The following SPATA18 variants were observed in gnomAD, a reference collection of about 807,000 sequenced individuals.
The protein encoded by SPATA18 is spermatogenesis associated 18, also known as mitochondria-eating protein.
In SPATA18, 54 loss-of-function variants were observed where a neutral mutation model predicts 68.1. The observed-to-expected ratio is 0.79, with a 90% CI of 0.64 to 0.99. The LOEUF is 0.99. SPATA18 is among the 50% of genes least tolerant of loss of function. SPATA18 has a pLI of 0.00. For missense variants in SPATA18, 724 were observed against 681.1 expected, an observed-to-expected ratio of 1.06 and a Z score of -0.70; for synonymous variants, 242 against 244.8, an observed-to-expected ratio of 0.99 and a Z score of 0.11.
chr4:52,064,643 T>C (rs1739166513), intron 4 of SPATA18, among the ~76,000 whole-genome samples: 1 of 152,226 alleles, frequency 6.6e-6, no homozygotes, highest in African/African-American at 2.4e-5. Flanking sequence ...TTCCATGGTG[T>C]ATATATACCA....
intron 1 of SPATA18, among the ~76,000 whole-genome samples, chr4:52,055,510 G>T (rs1206984293): frequency 1.3e-5 from 2 of 152,094 alleles, no homozygotes; most frequent in African/African-American, 4.8e-5. Context: ...AAAAACTCAA[G>T]TTTCATTAAT....
Position 52,051,614 on chromosome 4 carries a change from C to T in SPATA18, c.-91C>T, listed in dbSNP as rs1737874989. 2.5e-6 allele frequency: 3 copies of T among 1,215,658 alleles called. No homozygotes were observed. The highest frequency in any genetic ancestry group is 2.4e-6 in the Non-Finnish European group (2 of 820,360). The allele number at this position is 1,215,658 out of a possible 1,614,324, so 75.3% of individuals were successfully genotyped here. A position where few individuals can be genotyped will look rare whatever the true frequency, so the allele number is the denominator to read the frequency against. On this transcript the variant is annotated 5_prime_UTR_variant, in exon 1 of 13. Coordinates refer to ENST00000295213, the MANE Select transcript of SPATA18 (RefSeq NM_145263.4). ...AGCCCCCCAGAAGAGAACACCCTTC[C>T]CGCCATATCACCCCACGGTCCTGCG...
rs190610492 is a variant in SPATA18 at position 52,064,897 on chromosome 4, A to G, written c.422+2565A>G. On this transcript the variant is annotated intron_variant, in intron 4 of 12. Coordinates refer to ENST00000295213, the MANE Select transcript of SPATA18 (RefSeq NM_145263.4). ...TAGTTTACATTCCTACCAGCTGCAT[A>G]AAAGTGTTCCCTTTTCTCCACATTT... Among the ~76,000 whole-genome samples the G allele has an allele frequency of 6.6e-5, 10 of 152,340 alleles. No homozygotes were observed. In the East Asian group the frequency reaches 1.9e-3, roughly 29 times the overall value.
chr4:52,087,063 T>G (rs1310247966), intron 11 of SPATA18, among the ~76,000 whole-genome samples: 1 of 152,246 alleles, frequency 6.6e-6, no homozygotes, highest in Non-Finnish European at 1.5e-5. Context: ...CATAAATGTC[T>G]TCTTTGGAAA....
chr4:52,053,125 T>C (rs2109396678), intron 1 of SPATA18, among the ~76,000 whole-genome samples: 1 of 152,326 alleles, frequency 6.6e-6, no homozygotes, highest in East Asian at 1.9e-4. Flanking sequence ...GTGGCCTAAC[T>C]AAACTCTGAA....
intron 1 of SPATA18, among the ~76,000 whole-genome samples, chr4:52,052,096 G>A (rs535765029): frequency 1.5e-4 from 23 of 152,002 alleles, no homozygotes; most frequent in African/African-American, 5.1e-4. Flanking sequence ...CTAGCAATAG[G>A]GAAGCCCTGC....
Position 52,084,989 on chromosome 4 carries a change from G to T in SPATA18, c.1553G>T (p.Gly518Val). 6.2e-7 allele frequency: 1 copy of T among 1,612,390 alleles called. No individual in the cohort carries two copies. The highest frequency in any genetic ancestry group is 8.5e-7 in the Non-Finnish European group (1 of 1,179,404). The change falls in exon 11 of 13, where the codon GGT (glycine) becomes GTT (valine). Residue 518 changes from glycine to valine, a missense_variant. Transcript: ENST00000295213. ...LSPICPRSQIGLNTMSRSRSP... is the reference protein window; with the variant it reads ...LSPICPRSQIVLNTMSRSRSP... Reference sequence around the variant, plus strand: ...CCCATTTGCCCCCGTAGCCAAATTGGTTTAAACACGGTACATATCTATCTA... The same window carrying T: ...CCCATTTGCCCCCGTAGCCAAATTGTTTTAAACACGGTACATATCTATCTA...
At chr4:52,076,497 T>C (rs1206413174) in intron 6 of SPATA18, among the ~76,000 whole-genome samples, 1 of 152,168 alleles carries the variant, frequency 6.6e-6, no homozygotes, top group South Asian at 2.1e-4. Flanking sequence ...AAAAGAAAAT[T>C]ACATGCTTCT....
At chr4:52,065,187 A>G (rs1356470484) in intron 4 of SPATA18, among the ~76,000 whole-genome samples, 1 of 151,584 alleles carries the variant, frequency 6.6e-6, no homozygotes, top group Non-Finnish European at 1.5e-5. Context: ...TCAAATGCAT[A>G]GTTTGTGAAT....
chr4:52,080,072 A>G (rs1740790386), intron 9 of SPATA18, among the ~76,000 whole-genome samples, 153 bp downstream of exon 9: 1 of 152,238 alleles, frequency 6.6e-6, no homozygotes, highest in Non-Finnish European at 1.5e-5. Context: ...TCTGTACTCC[A>G]GGGCAGGACC....
intron 1 of SPATA18, among the ~76,000 whole-genome samples, chr4:52,052,815 C>G (rs1343101585): frequency 6.6e-6 from 1 of 152,242 alleles, no homozygotes; most frequent in East Asian, 1.9e-4. Flanking sequence ...GGTCCTTAGG[C>G]TTCCCCATTC....
intron 4 of SPATA18, among the ~76,000 whole-genome samples, chr4:52,067,148 C>G (rs918445688): frequency 6.6e-6 from 1 of 152,144 alleles, no homozygotes; most frequent in African/African-American, 2.4e-5. Context: ...TTCTTTGCAG[C>G]CTCGCCAGCA....
At chr4:52,082,548 G>A (rs1010755092) in intron 10 of SPATA18, 38 bp downstream of exon 10, 15 of 1,613,556 alleles carry the variant, frequency 9.3e-6, no homozygotes, top group Admixed American at 3.3e-5. Context: ...CATCCCAAGT[G>A]TTTGATTCAC....
chr4:52,057,315 T>C (rs2109408211), intron 1 of SPATA18, among the ~76,000 whole-genome samples: 1 of 152,284 alleles, frequency 6.6e-6, no homozygotes, highest in South Asian at 2.1e-4. Context: ...GTCCATATCT[T>C]TGCTCTGGTT....
intron 8 of SPATA18, 31 bp downstream of exon 8, chr4:52,078,924 T>TTGC (rs1401505870): frequency 2.6e-6 from 4 of 1,529,628 alleles, no homozygotes; most frequent in Non-Finnish European, 3.6e-6. Flanking sequence ...TAGGACTGGT[T>TTGC]TGCTGCTGCT....
intron 9 of SPATA18, 87 bp from the exon 10 acceptor site, chr4:52,082,300 C>A: frequency 7.9e-7 from 1 of 1,271,340 alleles, no homozygotes; most frequent in Non-Finnish European, 1.1e-6. Context: ...GAGCATAATA[C>A]AAAATGAGAA....
In SPATA18 at chr4:52,051,365, G is replaced by A. The variant is rs1737848698; in HGVS notation, c.-340G>A. 4.5e-6 allele frequency: 1 copy of A among 220,498 alleles called. No homozygotes were observed. Among genetic ancestry groups the A allele is most frequent in the South Asian group, 1.3e-4 (1 of 7,700 alleles). The allele number at this position is 220,498 out of a possible 1,614,324, so 13.7% of individuals were successfully genotyped here. On this transcript the variant is annotated 5_prime_UTR_variant, in exon 1 of 13. Transcript: ENST00000295213. ...GGGGCGGCGCGGGCGTTGCCACGAC[G>A]CGGGCCGCGCGCGTCCCTGGCAGCC...
Position 52,079,831 on chromosome 4 carries a change from A to G in SPATA18, c.1267A>G (p.Ile423Val). The G allele has an allele frequency of 6.2e-7, 1 of 1,613,986 alleles. No individual in the cohort carries two copies. The highest frequency in any genetic ancestry group is 8.5e-7 in the Non-Finnish European group (1 of 1,179,936). The change falls in exon 9 of 13, where the codon ATA (isoleucine) becomes GTA (valine). Residue 423 changes from isoleucine (I) to valine (V), a missense_variant. By Grantham distance (29) the Ile-to-Val change is conservative. Transcript: ENST00000295213. ...CCTTCTCAGTGACTTCATCCAGGAG[A>G]TATGTTGCATTGCCTTTGCAATGCA... is the stretch of plus-strand genomic sequence containing the variant. ...FCLLSDFIQE[I>V]CCIAFAMQAL...
rs764863997 is a variant in SPATA18, at chr4:52,078,814, G to C, written c.1100G>C (p.Gly367Ala). ...AAATCGTTGACACCATCTTATGTGGGGTCGAATGACTTTGAGAATGCTGTC... is the reference window on the plus strand; with the variant it reads ...AAATCGTTGACACCATCTTATGTGGCGTCGAATGACTTTGAGAATGCTGTC... ...VRKSLTPSYVGSNDFENAVLD... is the reference protein window; with the variant it reads ...VRKSLTPSYVASNDFENAVLD... The change falls in exon 8 of 13, where the codon GGG (glycine) becomes GCG (alanine). Residue 367 changes from glycine to alanine, a missense_variant. Physicochemically the swap from Gly to Ala is moderately conservative, Grantham distance 60. Coordinates refer to ENST00000295213, the MANE Select transcript of SPATA18 (RefSeq NM_145263.4). The C allele has an allele frequency of 1.9e-6, 3 of 1,608,962 alleles. No homozygotes were observed. The African/African-American group carries it at 4.0e-5, about 21-fold the overall frequency.
Sources: gnomAD v4.1 joint callset for allele counts (sites outside exome capture counted in the v4.1 genomes callset) on GRCh38, gnomAD v4.1.1 for gene constraint, MANE v1.5 for transcripts, NCBI Gene and HGNC (gene_info 2026-07-23, HGNC 2026-07-21) for gene names.